RBM33: variants seen among roughly 807,000 people sequenced by gnomAD.
RBM33 encodes RNA-binding protein 33.
In RBM33, 28 loss-of-function variants were observed where a neutral mutation model predicts 132.6. That is an observed-to-expected ratio of 0.21 (90% CI 0.16 to 0.29). The LOEUF (loss-of-function observed/expected upper bound fraction) is 0.29. Among genes scored for constraint, RBM33 ranks in the 10% least tolerant of loss-of-function variants. The pLI is 1.00. For missense variants in RBM33, 1,291 were observed against 1,518.5 expected (o/e 0.85, Z 2.49); for synonymous variants, 634 against 593.0 (o/e 1.07, Z -1.01).
chr7:155,673,941 T>TTGTTGTTTGTTTTTG, intron 3 of RBM33, among the ~76,000 whole-genome samples: 1 of 42,506 alleles, frequency 2.4e-5, no homozygotes, highest in Non-Finnish European at 4.2e-5. Context: ...TTAGGCTTAG[T>TTGTTGTTTGTTTTTG]TTTTTTTTTT....
intron 4 of RBM33, among the ~76,000 whole-genome samples, chr7:155,679,686 C>T (rs945354796): frequency 5.6e-4 from 86 of 152,214 alleles, no homozygotes; most frequent in African/African-American, 2.1e-3. Flanking sequence ...ATTATTCTAC[C>T]AGTCAGATAA....
chr7:155,737,963 T>G (rs1801183479), intron 10 of RBM33, 97 bp from the exon 11 acceptor site: 2 of 1,102,906 alleles, frequency 1.8e-6, no homozygotes, highest in Admixed American at 2.3e-5. Flanking sequence ...TCAACACTTG[T>G]GACTTCTGTC....
chr7:155,698,564 GGTTA>G (rs1799868049), intron 5 of RBM33, among the ~76,000 whole-genome samples: 1 of 152,176 alleles, frequency 6.6e-6, no homozygotes, highest in African/African-American at 2.4e-5. Flanking sequence ...TGGTTTGTCA[GGTTA>G]GTTTCCCTAA....
At position 155,776,546 on chromosome 7, in the gene RBM33, A is replaced by G. The variant is rs1802618746; in HGVS notation, c.*1505A>G. The G allele has an allele frequency of 6.6e-6, 1 of 152,218 alleles. No individual in the cohort carries two copies. The highest frequency in any genetic ancestry group is 1.5e-5 in the Non-Finnish European group (1 of 68,026). The allele number at this position is 152,218 out of a possible 1,614,324, so 9.4% of individuals were successfully genotyped here. On this transcript the variant is annotated 3_prime_UTR_variant, in exon 18 of 18. Coordinates refer to ENST00000401878, the MANE Select transcript of RBM33 (RefSeq NM_053043.3). This position sits in a 1 kb window ranked among gnomAD's most constrained non-coding sequence, Gnocchi z 4.0. ...TGAAGAGCTGAAGCAGGTCTTCCAGACCCTGCGATCCTTTCTGTAGCAGTG... is the reference window on the plus strand; with the variant it reads ...TGAAGAGCTGAAGCAGGTCTTCCAGGCCCTGCGATCCTTTCTGTAGCAGTG...
intron 1 of RBM33, among the ~76,000 whole-genome samples, chr7:155,661,126 G>GTATA (rs1416227541): frequency 5.1e-5 from 3 of 58,992 alleles, no homozygotes; most frequent in South Asian, 6.6e-4. Flanking sequence ...GTGTGTGTGT[G>GTATA]TGTGTATATA....
rs750018669 is a variant in RBM33, at chr7:155,742,030, A to T, written c.2261A>T (p.Gln754Leu). 1 of 1,613,924 alleles carries T rather than the reference A, an allele frequency of 6.2e-7. No individual in the cohort carries two copies. Among genetic ancestry groups the T allele is most frequent in the African/African-American group, 1.3e-5 (1 of 74,930 alleles). Residue 754 changes from glutamine to leucine, a missense_variant, in exon 13 of 18, where the codon CAG (glutamine) becomes CTG (leucine). Gln to Leu is a moderately radical substitution (Grantham distance 113). Coordinates refer to ENST00000401878, the MANE Select transcript of RBM33 (RefSeq NM_053043.3). ...GCCGTGGCGGGTTCCAGAAGCTCAC[A>T]GGGAAAGACGGAAGTGAAAGTCAAG... is the stretch of plus-strand genomic sequence containing the variant. The part of the protein sequence containing the change: ...SRAVAGSRSS[Q>L]GKTEVKVKPA...
chr7:155,654,812 A>G (rs565843120), intron 1 of RBM33, among the ~76,000 whole-genome samples: 1 of 152,312 alleles, frequency 6.6e-6, no homozygotes, highest in Admixed American at 6.5e-5. Flanking sequence ...TTAATACTTC[A>G]TTAAAAATTT....
At chr7:155,655,581 A>G (rs548483203) in intron 1 of RBM33, among the ~76,000 whole-genome samples, 1 of 126,582 alleles carries the variant, frequency 7.9e-6, no homozygotes, top group South Asian at 2.4e-4. Flanking sequence ...ATTTGCATCA[A>G]TGTTGCAAAA....
chr7:155,676,272 T>A (rs6974700), intron 3 of RBM33, among the ~76,000 whole-genome samples: 119,591 of 152,160 alleles, frequency 0.79, 47,614 homozygotes, highest in African/African-American at 0.91. Context: ...CAAACTGAGG[T>A]TAAAGCAGGC....
At chr7:155,670,656 T>C (rs1369477007) in intron 2 of RBM33, among the ~76,000 whole-genome samples, 1 of 152,170 alleles carries the variant, frequency 6.6e-6, no homozygotes, top group Non-Finnish European at 1.5e-5. Flanking sequence ...GAGAGGGGTA[T>C]TATGTCAATG....
chr7:155,661,577 T>C (rs534200127), intron 1 of RBM33, among the ~76,000 whole-genome samples: 1 of 151,938 alleles, frequency 6.6e-6, no homozygotes, highest in Admixed American at 6.5e-5. Context: ...CTGGCTAATT[T>C]TTGTATTTTT....
In RBM33 at chr7:155,772,369, T is replaced by C. The variant is rs1406807069; in HGVS notation, c.3376-2190T>C. ...GCCCCTTACCTGGGAACAGAACAGA[T>C]AGGATTTTCTCTTTGGAAGTTGCTC... On this transcript the variant is annotated intron_variant, in intron 16 of 17. Coordinates refer to ENST00000401878, the MANE Select transcript of RBM33 (RefSeq NM_053043.3). Among the ~76,000 whole-genome samples the C allele has an allele frequency of 2.0e-5, 3 of 152,202 alleles. No homozygotes were observed. The East Asian group carries it at 5.8e-4, about 29-fold the overall frequency.
At chr7:155,684,858 A>G in intron 5 of RBM33, 1 of 1,460,118 alleles carries the variant, frequency 6.8e-7, no homozygotes, top group Non-Finnish European at 9.2e-7. Context: ...CATGAATCAT[A>G]AAGACGAAAA....
At chr7:155,705,412 A>G (rs1585463319) in intron 6 of RBM33, among the ~76,000 whole-genome samples, 1 of 152,250 alleles carries the variant, frequency 6.6e-6, no homozygotes, top group Admixed American at 6.5e-5. Context: ...AGATTAGAAT[A>G]AAAGTCTATG....
rs1802823849 is a variant in RBM33 at position 155,781,246 on chromosome 7, C to T, written c.*6205C>T. ...GTTTGATCTCCATCCTGTTTTCTCC[C>T]AGACACACCACACCTACCTTGGGGG... is the stretch of plus-strand genomic sequence containing the variant. On this transcript the variant is annotated 3_prime_UTR_variant, in exon 18 of 18. Coordinates refer to ENST00000401878, the MANE Select transcript of RBM33 (RefSeq NM_053043.3). 1 of 152,338 alleles carries T rather than the reference C, an allele frequency of 6.6e-6. No individual in the cohort carries two copies. The highest frequency in any genetic ancestry group is 2.4e-5 in the African/African-American group (1 of 41,450). 9.4% of individuals were successfully genotyped at this position (152,338 alleles called of 1,614,324 possible).
chr7:155,672,197 T>C (rs968443714), intron 2 of RBM33, among the ~76,000 whole-genome samples: 1 of 152,170 alleles, frequency 6.6e-6, no homozygotes, highest in African/African-American at 2.4e-5. Flanking sequence ...TGTGCATCTT[T>C]TCCTTCTTCA....
At chr7:155,728,749 G>A (rs1800866407) in intron 9 of RBM33, among the ~76,000 whole-genome samples, 2 of 152,158 alleles carry the variant, frequency 1.3e-5, no homozygotes, top group Non-Finnish European at 2.9e-5. Context: ...TATGATTAGG[G>A]ACTGATTAGG....
chr7:155,645,195 TGGC>T (rs1233150718), intron 1 of RBM33: 4 of 368,976 alleles, frequency 1.1e-5, no homozygotes, highest in African/African-American at 2.1e-5. Flanking sequence ...TCTCTGGCGT[TGGC>T]GGGCATTAAG....
rs1802737837 is a variant in RBM33, at chr7:155,779,404, T to C, written c.*4363T>C. 1 of 152,210 alleles carries C rather than the reference T, an allele frequency of 6.6e-6. No homozygotes were observed. The highest frequency in any genetic ancestry group is 1.5e-5 in the Non-Finnish European group (1 of 68,046). The allele number at this position is 152,210 out of a possible 1,614,324, so 9.4% of individuals were successfully genotyped here. On this transcript the variant is annotated 3_prime_UTR_variant, in exon 18 of 18. Coordinates refer to ENST00000401878, the MANE Select transcript of RBM33 (RefSeq NM_053043.3). ...AGTCCAGATCGACTAGGGAGAGGCT[T>C]AGATACTTTAGTGTATTTAAAGAGC...
Sources: gnomAD v4.1 joint callset for allele counts (sites outside exome capture counted in the v4.1 genomes callset) on GRCh38, gnomAD v4.1.1 for gene constraint, Gnocchi (gnomAD v3.1) non-coding constraint, MANE v1.5 for transcripts, NCBI Gene and HGNC (gene_info 2026-07-23, HGNC 2026-07-21) for gene names.